The following CBFA2T2 variants were observed in gnomAD, a reference collection of about 807,000 sequenced individuals.
CBFA2T2 encodes protein CBFA2T2.
A neutral mutation model predicts 62.2 loss-of-function variants in CBFA2T2; 11 were observed. The ratio of observed to expected loss-of-function variants is 0.18; its 90% CI spans 0.11 to 0.29. The LOEUF (loss-of-function observed/expected upper bound fraction) is 0.29. CBFA2T2 is among the 10% of genes least tolerant of loss of function. The pLI, the probability that CBFA2T2 is intolerant of heterozygous loss-of-function variation, is 1.00. For missense variants in CBFA2T2, 592 were observed against 774.1 expected, an observed-to-expected ratio of 0.76 and a Z score of 2.79; for synonymous variants, 295 against 287.5, an observed-to-expected ratio of 1.03 and a Z score of -0.27.
intron 1 of CBFA2T2, among the ~76,000 whole-genome samples, chr20:33,510,780 C>T (rs577490403): frequency 1.3e-5 from 2 of 152,310 alleles, no homozygotes; most frequent in African/African-American, 4.8e-5. Flanking sequence ...TATTTCTCCA[C>T]ATCCTCTCCA....
chr20:33,591,622 A>G (rs902306438), intron 1 of CBFA2T2, among the ~76,000 whole-genome samples: 38 of 152,218 alleles, frequency 2.5e-4, no homozygotes, highest in African/African-American at 8.9e-4. Flanking sequence ...ACTACTTGAA[A>G]GACGGGACTG....
In CBFA2T2 at chr20:33,619,319, G is replaced by A. The variant is rs970563223; in HGVS notation, c.421-198G>A. Among the ~76,000 whole-genome samples, 11 of 152,102 alleles carry A rather than the reference G, an allele frequency of 7.2e-5. No individual in the cohort carries two copies. In the South Asian group the frequency reaches 1.7e-3, roughly 23 times the overall value. On this transcript the variant is annotated intron_variant, in intron 3 of 10. Coordinates refer to ENST00000342704, the MANE Select transcript of CBFA2T2 (RefSeq NM_001032999.3). ...TGGATCACAAAGTCAGGAGTTCACCGTCAGGAGATCACAGGAGGTGGAGGT... is the reference window on the plus strand; with the variant it reads ...TGGATCACAAAGTCAGGAGTTCACCATCAGGAGATCACAGGAGGTGGAGGT...
chr20:33,641,867 CTTTTTT>C (rs770790247), intron 10 of CBFA2T2, among the ~76,000 whole-genome samples: 1 of 135,754 alleles, frequency 7.4e-6, no homozygotes, highest in South Asian at 2.4e-4. Flanking sequence ...TACAGATGGG[CTTTTTT>C]TTTTTTTTTA....
chr20:33,601,809 A>AG (rs1555842572), intron 1 of CBFA2T2: 1 of 147,408 alleles, frequency 6.8e-6, no homozygotes, highest in Admixed American at 6.8e-5. Context: ...ATTCTAATAG[A>AG]TTTTTTTTTT....
In CBFA2T2 at chr20:33,555,572, C is replaced by A. The variant is rs565539807; in HGVS notation, c.35-51384C>A. On this transcript the variant is annotated intron_variant, in intron 1 of 10. Coordinates refer to ENST00000342704, the MANE Select transcript of CBFA2T2 (RefSeq NM_001032999.3). ...TGGAGGTACAGTTTTTTTCCTGAAC[C>A]ACTCTGAAAGTGGAAATATGCCCTT... Among the ~76,000 whole-genome samples the A allele has an allele frequency of 2.6e-5, 4 of 152,188 alleles. No homozygotes were observed. In the South Asian group the frequency reaches 6.2e-4, roughly 24 times the overall value.
chr20:33,631,269 G>A (rs771534504), intron 8 of CBFA2T2, among the ~76,000 whole-genome samples: 5 of 152,292 alleles, frequency 3.3e-5, no homozygotes, highest in South Asian at 2.1e-4. Flanking sequence ...AGCCGAGATC[G>A]CGCCATTGCA....
chr20:33,645,453 T>C lies in CBFA2T2; in HGVS notation c.*807T>C, dbSNP rs2017019768. 6.6e-6 allele frequency: 1 copy of C among 152,232 alleles called. No individual in the cohort carries two copies. The highest frequency in any genetic ancestry group is 1.5e-5 in the Non-Finnish European group (1 of 68,044). The allele number at this position is 152,232 out of a possible 1,614,324, so 9.4% of individuals were successfully genotyped here. A position where few individuals can be genotyped will look rare whatever the true frequency, so the allele number is the denominator to read the frequency against. On this transcript the variant is annotated 3_prime_UTR_variant, in exon 11 of 11. Coordinates refer to ENST00000342704, the MANE Select transcript of CBFA2T2 (RefSeq NM_001032999.3). ...GTGGATAGTCTGTTTTCTCTGAGCATGTTGGCCAACTAGTATCGTCAAATT... is the reference window on the plus strand; with the variant it reads ...GTGGATAGTCTGTTTTCTCTGAGCACGTTGGCCAACTAGTATCGTCAAATT...
chr20:33,644,737 C>T lies in CBFA2T2; in HGVS notation c.*91C>T, dbSNP rs770398447. 7.4e-6 allele frequency: 10 copies of T among 1,358,894 alleles called. No individual in the cohort carries two copies. The highest frequency in any genetic ancestry group is 1.4e-5 in the South Asian group (1 of 71,784). The allele number at this position is 1,358,894 out of a possible 1,614,324, so 84.2% of individuals were successfully genotyped here. A position where few individuals can be genotyped will look rare whatever the true frequency, so the allele number is the denominator to read the frequency against. ...TGTTGGAACCCGTGCATGTAGCTGC[C>T]GGGTCATCAGCAAGAAATGAATTGG... On this transcript the variant is annotated 3_prime_UTR_variant, in exon 11 of 11. Coordinates refer to ENST00000342704, the MANE Select transcript of CBFA2T2 (RefSeq NM_001032999.3).
chr20:33,572,877 G>T (rs2013631529), intron 1 of CBFA2T2, among the ~76,000 whole-genome samples: 1 of 152,194 alleles, frequency 6.6e-6, no homozygotes, highest in Non-Finnish European at 1.5e-5. Context: ...TATAGAGAAA[G>T]AATTTTATAG....
intron 1 of CBFA2T2, chr20:33,574,194 C>A: frequency 6.2e-7 from 1 of 1,613,092 alleles, no homozygotes; most frequent in South Asian, 1.1e-5. Flanking sequence ...AGCAGATCAC[C>A]AGGTGAATGG....
chr20:33,631,278 C>T (rs527828365), intron 8 of CBFA2T2, among the ~76,000 whole-genome samples: 3 of 152,332 alleles, frequency 2.0e-5, no homozygotes, highest in Non-Finnish European at 2.9e-5. Flanking sequence ...CGCGCCATTG[C>T]ACTCTAGCCT....
rs1568830356 is a variant in CBFA2T2 at position 33,579,104 on chromosome 20, G to GTT, written c.35-27852_35-27851insTT. On this transcript the variant is annotated intron_variant, in intron 1 of 10. Transcript: ENST00000342704. ...TGAGTGCCTTTTTGGTTTTTTTGGGGGTTTTTTTTTGTTTTTTTTTTTTTT... is the reference window on the plus strand; with the variant it reads ...TGAGTGCCTTTTTGGTTTTTTTGGGGTTGTTTTTTTTTGTTTTTTTTTTTTTT... Among the ~76,000 whole-genome samples the GTT allele has an allele frequency of 9.8e-3, 1,442 of 147,602 alleles. 69 individuals carry two copies. Among genetic ancestry groups the GTT allele is most frequent in the Admixed American group, 0.094 (1,305 of 13,910 alleles).
At chr20:33,615,857 T>C (rs1465260531) in intron 3 of CBFA2T2, among the ~76,000 whole-genome samples, 5 of 152,190 alleles carry the variant, frequency 3.3e-5, no homozygotes, top group Non-Finnish European at 5.9e-5. Context: ...TTTTCTGATA[T>C]ATCCCACACC....
chr20:33,606,321 T>C (rs1052130636), intron 1 of CBFA2T2, among the ~76,000 whole-genome samples: 3 of 152,216 alleles, frequency 2.0e-5, no homozygotes, highest in Non-Finnish European at 2.9e-5. Flanking sequence ...TAAAGACTGC[T>C]AACTTTCAGT....
intron 1 of CBFA2T2, among the ~76,000 whole-genome samples, chr20:33,585,192 G>A (rs928030726): frequency 5.9e-5 from 9 of 152,128 alleles, no homozygotes; most frequent in Admixed American, 1.3e-4. Context: ...TTAGGAATGC[G>A]TGGCATTCAA....
In CBFA2T2 at chr20:33,623,228, A is replaced by G; in HGVS notation, c.624A>G (p.Ala208=). 6.2e-7 allele frequency: 1 copy of G among 1,614,258 alleles called. No homozygotes were observed. The highest frequency in any genetic ancestry group is 8.5e-7 in the Non-Finnish European group (1 of 1,180,048). The stretch of plus-strand genomic sequence containing the variant: ...ACCTTCTGCTCAACACAAGCATTGC[A>G]TCGCCTGCTGACTCGTCAGAGTTGC... The part of the protein sequence containing the change: ...HEHLLLNTSI[A]SPADSSELLM... Residue 208 remains alanine, a synonymous_variant, in exon 5 of 11, where the codon GCA becomes GCG. Coordinates refer to ENST00000342704, the MANE Select transcript of CBFA2T2 (RefSeq NM_001032999.3).
chr20:33,508,934 GCA>G (rs769823699), intron 1 of CBFA2T2, among the ~76,000 whole-genome samples: 3 of 152,328 alleles, frequency 2.0e-5, no homozygotes, highest in Non-Finnish European at 4.4e-5. Context: ...CGTGTGTGGA[GCA>G]CAAACTTACT....
intron 1 of CBFA2T2, among the ~76,000 whole-genome samples, chr20:33,592,391 T>TAA (rs1271780783): frequency 5.4e-5 from 8 of 147,218 alleles, no homozygotes; most frequent in South Asian, 2.1e-4. Flanking sequence ...TATATATATA[T>TAA]AATTATGTAA....
intron 1 of CBFA2T2, among the ~76,000 whole-genome samples, chr20:33,512,430 C>G (rs559171112): frequency 6.6e-6 from 1 of 152,292 alleles, no homozygotes; most frequent in Non-Finnish European, 1.5e-5. Context: ...ACTGTCCCTC[C>G]TTCTCCAAGG....
Sources: allele counts gnomAD v4.1 joint callset (sites outside exome capture counted in the v4.1 genomes callset), GRCh38; gene constraint gnomAD v4.1.1; transcripts MANE v1.5; gene names NCBI Gene and HGNC (gene_info 2026-07-23, HGNC 2026-07-21).